FUS: variants seen among roughly 807,000 people sequenced by gnomAD.
FUS encodes FUS RNA binding protein.
FUS carries 5 observed loss-of-function variants against 82.7 expected under a neutral mutation model. That is an observed-to-expected ratio of 0.06 (90% CI 0.03 to 0.13). The LOEUF is 0.13. FUS is among the 10% of genes least tolerant of loss of function. FUS has a pLI of 1.00. For missense variants in FUS, 512 were observed against 707.8 expected, an observed-to-expected ratio of 0.72 and a Z score of 3.14; for synonymous variants, 281 against 247.4, an observed-to-expected ratio of 1.14 and a Z score of -1.27.
chr16:31,188,622 A>T, intron 8 of FUS: 1 of 574,428 alleles, frequency 1.7e-6, no homozygotes, highest in Non-Finnish European at 3.1e-6. Context: ...AGTGATGCTG[A>T]TGCGTCTGGA....
intron 6 of FUS, chr16:31,186,252 G>C (rs1260468690): frequency 7.7e-6 from 2 of 260,332 alleles, no homozygotes; most frequent in Admixed American, 4.8e-5. Flanking sequence ...CGGGGGTTGG[G>C]GGAGATCAAA....
chr16:31,190,095 C>T lies in FUS; in HGVS notation c.1122C>T (p.Asp374=). The change falls in exon 11 of 15, where the codon GAC becomes GAT. Residue 374 remains aspartate (D), a synonymous_variant. Coordinates refer to ENST00000254108, the MANE Select transcript of FUS (RefSeq NM_004960.4). ...TCTCATTTGCTACTCGCCGGGCAGA[C>T]TTTAATCGGGGTGGTGGCAATGGTC... The part of the protein sequence containing the change: ...IKVSFATRRA[D]FNRGGGNGRG... The T allele has an allele frequency of 6.2e-7, 1 of 1,614,116 alleles. No individual in the cohort carries two copies.
chr16:31,183,570 C>CAAA (rs1037168782), intron 3 of FUS: 9 of 452,896 alleles, frequency 2.0e-5, no homozygotes, highest in African/African-American at 1.4e-4. Context: ...CTGCATATTA[C>CAAA]AGTGCTGTTA....
At chr16:31,183,709 G>A (rs1478207677) in intron 3 of FUS, 149 bp from the exon 4 acceptor site, 3 of 919,034 alleles carry the variant, frequency 3.3e-6, no homozygotes, top group Admixed American at 3.7e-5. Context: ...TGAAAGGAGG[G>A]TAACTATCTT....
intron 1 of FUS, among the ~76,000 whole-genome samples, 193 bp downstream of exon 1, chr16:31,180,420 C>T (rs756999297): frequency 3.3e-5 from 5 of 151,298 alleles, no homozygotes; most frequent in Non-Finnish European, 7.4e-5. Flanking sequence ...GGCCCTCGCG[C>T]GCGGGGCGGG....
chr16:31,188,503 A>G (rs2079305443), intron 8 of FUS, 146 bp downstream of exon 8: 1 of 862,088 alleles, frequency 1.2e-6, no homozygotes, highest in Admixed American at 2.0e-5. Flanking sequence ...GTTAGCAGTG[A>G]GAAGTATTTG....
At position 31,185,081 on chromosome 16, in the gene FUS, T is replaced by TGGCGGCGGCGGC. The variant is rs72550890; in HGVS notation, c.675_686dup (p.Gly228_Gly231dup). The TGGCGGCGGCGGC allele has an allele frequency of 1.2e-6, 2 of 1,607,558 alleles. No homozygotes were observed. Among genetic ancestry groups the TGGCGGCGGCGGC allele is most frequent in the South Asian group, 1.1e-5 (1 of 90,758 alleles). ...GAGGCCGCGGCAGGGGTGGCAGTGG[T>TGGCGGCGGCGGC]GGCGGCGGCGGCGGCGGCGGTGGTG... On this transcript the variant is annotated inframe_insertion, in exon 6 of 15. Coordinates refer to ENST00000254108, the MANE Select transcript of FUS (RefSeq NM_004960.4).
At chr16:31,180,634 C>G (rs553644999) in intron 1 of FUS, among the ~76,000 whole-genome samples, 3 of 152,238 alleles carry the variant, frequency 2.0e-5, no homozygotes, top group African/African-American at 7.2e-5. Context: ...GGCCCCTCCC[C>G]CTTCGCGGCG....
downstream of FUS, chr16:31,194,655 C>T (rs1266208475): frequency 4.1e-6 from 2 of 488,198 alleles, no homozygotes; most frequent in Admixed American, 2.3e-5. Flanking sequence ...GGTACAATGT[C>T]CTATTTCTGT....
chr16:31,184,371 TGGTGGAGGTGGA>T lies in FUS; in HGVS notation c.515_523+3del. The T allele has an allele frequency of 9.5e-5, 153 of 1,612,858 alleles. No homozygotes were observed. Among genetic ancestry groups the T allele is most frequent in the African/African-American group, 2.3e-4 (17 of 74,554 alleles). ...AGAACCAGTACAACAGCAGCAGTGG[TGGTGGAGGTGGA>T]GGTGGAGGTGGAGGTGAGATGTCTT... On this transcript the variant is annotated inframe_deletion, in exon 5 of 15. Transcript: ENST00000254108.
At chr16:31,192,634 C>T (rs1231984198), downstream of FUS, 1 of 483,650 alleles carries the variant, frequency 2.1e-6, no homozygotes, top group South Asian at 1.5e-5. Context: ...GATCTCGGCT[C>T]ACTGTAGCCT....
At chr16:31,189,881 G>T in intron 10 of FUS, 87 bp downstream of exon 10, 2 of 1,608,184 alleles carry the variant, frequency 1.2e-6, no homozygotes, top group Non-Finnish European at 8.5e-7. Flanking sequence ...GGGTTCTTTT[G>T]AGTCTTCCAA....
downstream of FUS, chr16:31,192,657 T>G (rs947621434): frequency 1.5e-5 from 7 of 481,500 alleles, no homozygotes; most frequent in Non-Finnish European, 2.9e-5. Context: ...GCCTCCTGAG[T>G]TTAAGCGATT....
At chr16:31,191,618 TC>T (rs773543579), downstream of FUS, 11 of 746,380 alleles carry the variant, frequency 1.5e-5, no homozygotes, top group South Asian at 1.2e-4. Context: ...TTGTTCCTCT[TC>T]CCCCTTTTCA....
rs929022903 is a variant in FUS, at chr16:31,180,371, C to T, written c.13+144C>T. 13 of 1,036,770 alleles carry T rather than the reference C, an allele frequency of 1.3e-5. No individual in the cohort carries two copies. In the African/African-American group the frequency reaches 2.1e-4, roughly 17 times the overall value. The allele number at this position is 1,036,770 out of a possible 1,614,324, so 64.2% of individuals were successfully genotyped here. A position where few individuals can be genotyped will look rare whatever the true frequency, so the allele number is the denominator to read the frequency against. ...GGCGGGAAGCCGCGGAGAAGAGTAA[C>T]TGGAGGAGGCTGGTGTCGCCATTTT... On this transcript the variant is annotated intron_variant, in intron 1 of 14. Transcript: ENST00000254108.
At position 31,190,944 on chromosome 16, in the gene FUS, C is replaced by T; in HGVS notation, c.1394-19C>T. ...ATAGGGGAATGGGAATATGATAGAT[C>T]TTGTTTCTTTTGTCCTAGGGGGTAA... On this transcript the variant is annotated intron_variant, in intron 13 of 14. Transcript: ENST00000254108. 2 of 1,610,442 alleles carry T rather than the reference C, an allele frequency of 1.2e-6. No homozygotes were observed. Among genetic ancestry groups the T allele is most frequent in the Middle Eastern group, 1.7e-4 (1 of 6,058 alleles).
chr16:31,181,173 C>T (rs1052153091), intron 1 of FUS, among the ~76,000 whole-genome samples: 2 of 152,216 alleles, frequency 1.3e-5, no homozygotes, highest in Admixed American at 1.3e-4. Flanking sequence ...CCTGGGCCTC[C>T]CGAAGTGTCG....
At chr16:31,192,895 C>A, downstream of FUS, 1 of 486,126 alleles carries the variant, frequency 2.1e-6, no homozygotes, top group Non-Finnish European at 4.1e-6. Context: ...TTCAAGTGTT[C>A]CACAAGTATG....
intron 1 of FUS, among the ~76,000 whole-genome samples, chr16:31,180,920 T>TTC (rs1212110427): frequency 6.8e-6 from 1 of 147,616 alleles, no homozygotes; most frequent in Non-Finnish European, 1.5e-5. Flanking sequence ...ATTTCTTTCT[T>TTC]TTTTTTTTTG....
Sources: gnomAD v4.1 joint callset for allele counts (sites outside exome capture counted in the v4.1 genomes callset) on GRCh38, gnomAD v4.1.1 for gene constraint, MANE v1.5 for transcripts, NCBI Gene and HGNC (gene_info 2026-07-23, HGNC 2026-07-21) for gene names.